Variants in PALLD observed in about 807,000 individuals in gnomAD.
PALLD encodes the protein palladin, cytoskeletal associated protein.
Under a neutral mutation model 123.5 loss-of-function variants are expected in PALLD, and 61 were observed. The ratio of observed to expected loss-of-function variants is 0.49; its 90% CI spans 0.40 to 0.61. The LOEUF is 0.61. Among genes scored for constraint, PALLD ranks in the 20% least tolerant of loss-of-function variants. PALLD has a pLI of 0.00. For synonymous variants in PALLD, 465 were observed against 496.4 expected, an observed-to-expected ratio of 0.94 and a Z score of 0.84; for missense variants, 1,273 against 1,377.0, an observed-to-expected ratio of 0.92 and a Z score of 1.20.
chr4:168,665,634 A>C (rs1436977216), intron 2 of PALLD, among the ~76,000 whole-genome samples: 1 of 152,222 alleles, frequency 6.6e-6, no homozygotes, highest in Non-Finnish European at 1.5e-5. Context: ...AGACTCTGTG[A>C]GGCGGGTCAT....
At chr4:168,811,841 G>A (rs1263265578) in intron 10 of PALLD, among the ~76,000 whole-genome samples, 1 of 150,620 alleles carries the variant, frequency 6.6e-6, no homozygotes, top group East Asian at 2.0e-4. Flanking sequence ...AGGAAATTTT[G>A]GATATTATGG....
At chr4:168,767,789 C>T (rs1034586859) in intron 10 of PALLD, among the ~76,000 whole-genome samples, 3 of 152,108 alleles carry the variant, frequency 2.0e-5, no homozygotes, top group African/African-American at 7.2e-5. Context: ...TCAGGTAATC[C>T]ACCTGCCTCG....
intron 2 of PALLD, among the ~76,000 whole-genome samples, chr4:168,545,622 A>G (rs1039176208): frequency 4.6e-5 from 7 of 151,522 alleles, no homozygotes; most frequent in Admixed American, 1.3e-4. Context: ...TTACCTATTC[A>G]CTCTTTTAAT....
chr4:168,849,230 T>C lies in PALLD; in HGVS notation c.1965-41692T>C, dbSNP rs567767356. Among the ~76,000 whole-genome samples, 15 of 152,370 alleles carry C rather than the reference T, an allele frequency of 9.8e-5. No individual in the cohort carries two copies. The East Asian group carries it at 2.5e-3, about 25-fold the overall frequency. Reference sequence around the variant, plus strand: ...GATAAGCTGCCCCTTAGGGAGCTGATTGTAATGCGTTCCAGACGTCTGCAC... The same window carrying C: ...GATAAGCTGCCCCTTAGGGAGCTGACTGTAATGCGTTCCAGACGTCTGCAC... On this transcript the variant is annotated intron_variant, in intron 10 of 21. Transcript: ENST00000505667.
intron 2 of PALLD, among the ~76,000 whole-genome samples, chr4:168,580,776 T>C (rs1230341904): frequency 1.3e-5 from 2 of 152,002 alleles, no homozygotes; most frequent in African/African-American, 2.4e-5. Context: ...ATATACATCA[T>C]GGAATACTAT....
chr4:168,898,655 A>G lies in PALLD; in HGVS notation c.2413A>G (p.Ile805Val). Reference protein sequence around the residue: ...FFEMKLKHYKIFEGMPVTFTC... With the variant: ...FFEMKLKHYKVFEGMPVTFTC... ...TGAGATGAAGCTGAAACATTACAAGATCTTTGAGGGAATGCCAGTAACTTT... is the reference window on the plus strand; with the variant it reads ...TGAGATGAAGCTGAAACATTACAAGGTCTTTGAGGGAATGCCAGTAACTTT... Residue 805 changes from isoleucine to valine, a missense_variant, in exon 14 of 22, where the codon ATC (isoleucine) becomes GTC (valine). Transcript: ENST00000505667. The G allele has an allele frequency of 6.2e-7, 1 of 1,614,182 alleles. No homozygotes were observed. The highest frequency in any genetic ancestry group is 8.5e-7 in the Non-Finnish European group (1 of 1,180,026).
At chr4:168,561,367 T>A (rs139449023) in intron 2 of PALLD, among the ~76,000 whole-genome samples, 130 of 152,268 alleles carry the variant, frequency 8.5e-4, no homozygotes, top group African/African-American at 3.0e-3. Context: ...GGTTAAACGA[T>A]CCTCTTACCT....
At chr4:168,516,720 T>A (rs1763021520) in intron 2 of PALLD, among the ~76,000 whole-genome samples, 1 of 152,176 alleles carries the variant, frequency 6.6e-6, no homozygotes, top group Non-Finnish European at 1.5e-5. Context: ...TTAGAAGTTA[T>A]GCATAGCTTA....
rs1254320178 is a variant in PALLD, at chr4:168,844,070, G to A, written c.1965-46852G>A. The A allele has an allele frequency of 6.6e-6, 1 of 152,232 alleles. No individual in the cohort carries two copies. Among genetic ancestry groups the A allele is most frequent in the African/African-American group, 2.4e-5 (1 of 41,470 alleles). 9.4% of individuals were successfully genotyped at this position (152,232 alleles called of 1,614,324 possible). ...TTCCTCACGCGTTAACAAGGATGCT[G>A]TTAGGTTGTCTATCTACTCTGAATC... On this transcript the variant is annotated intron_variant, in intron 10 of 21. Coordinates refer to ENST00000505667, the MANE Select transcript of PALLD (RefSeq NM_001166108.2). This position sits in a 1 kb window ranked among gnomAD's most constrained non-coding sequence, Gnocchi z 4.5.
chr4:168,532,405 T>C (rs1007702061), intron 2 of PALLD, among the ~76,000 whole-genome samples: 2 of 152,192 alleles, frequency 1.3e-5, no homozygotes, highest in Non-Finnish European at 2.9e-5. Flanking sequence ...CCAGGTATTA[T>C]AGGAAAACAA....
chr4:168,726,379 G>C (rs1786584261), intron 10 of PALLD, among the ~76,000 whole-genome samples: 1 of 152,100 alleles, frequency 6.6e-6, no homozygotes, highest in Admixed American at 6.5e-5. Context: ...TTACAATAAT[G>C]CATCTTGCTT....
chr4:168,647,554 G>A (rs530057007), intron 2 of PALLD, among the ~76,000 whole-genome samples: 4 of 152,150 alleles, frequency 2.6e-5, no homozygotes, highest in African/African-American at 7.2e-5. Context: ...GCCAAGGCAG[G>A]CACGTCATCT....
At chr4:168,878,054 T>TCG in intron 10 of PALLD, 1 of 1,480,552 alleles carries the variant, frequency 6.8e-7, no homozygotes, top group Non-Finnish European at 8.9e-7. Context: ...GTCGCCCATG[T>TCG]CCCCGACGCC....
intron 2 of PALLD, among the ~76,000 whole-genome samples, chr4:168,658,648 C>A (rs1778839846): frequency 6.6e-6 from 1 of 151,732 alleles, no homozygotes. Context: ...AGACACTAAG[C>A]TACCTCTCAT....
In PALLD at chr4:168,511,939, A is replaced by G; in HGVS notation, c.435A>G (p.Ala145=). ...TCCGAAAGGCTGAAAAGCGTGGTGC[A>G]AAAACTCCCAGCACAAACGTAAAGC... The part of the protein sequence containing the change: ...RSLRKAEKRG[A]KTPSTNVKPK... The change falls in exon 2 of 22, where the codon GCA becomes GCG. Residue 145 remains alanine (A), a synonymous_variant. Coordinates refer to ENST00000505667, the MANE Select transcript of PALLD (RefSeq NM_001166108.2). 1 of 1,614,206 alleles carries G rather than the reference A, an allele frequency of 6.2e-7. No homozygotes were observed. Among genetic ancestry groups the G allele is most frequent in the Non-Finnish European group, 8.5e-7 (1 of 1,180,024 alleles).
intron 2 of PALLD, among the ~76,000 whole-genome samples, chr4:168,571,230 T>G (rs895947259): frequency 6.6e-5 from 10 of 152,202 alleles, no homozygotes; most frequent in Non-Finnish European, 1.3e-4. Flanking sequence ...TCATTTATTC[T>G]GCACCACATG....
intron 10 of PALLD, among the ~76,000 whole-genome samples, chr4:168,786,716 T>C (rs1212224074): frequency 1.3e-5 from 2 of 152,218 alleles, no homozygotes; most frequent in African/African-American, 4.8e-5. Flanking sequence ...TAAAAAGCAG[T>C]AAATATACTA....
chr4:168,608,180 G>C (rs1773376349), intron 2 of PALLD, among the ~76,000 whole-genome samples: 1 of 152,194 alleles, frequency 6.6e-6, no homozygotes, highest in African/African-American at 2.4e-5. Flanking sequence ...TAAATATGTG[G>C]TGCAGAAAGA....
At chr4:168,594,089 T>C (rs1561284637) in intron 2 of PALLD, among the ~76,000 whole-genome samples, 1 of 152,072 alleles carries the variant, frequency 6.6e-6, no homozygotes, top group East Asian at 1.9e-4. Flanking sequence ...ATTCTTGAAA[T>C]AACAAATAAG....
Sources: allele counts gnomAD v4.1 joint callset (sites outside exome capture counted in the v4.1 genomes callset), GRCh38; gene constraint gnomAD v4.1.1; non-coding constraint Gnocchi (gnomAD v3.1); transcripts MANE v1.5; gene names NCBI Gene and HGNC (gene_info 2026-07-23, HGNC 2026-07-21).